The following ADAMTSL1 variants were observed in gnomAD, a reference collection of about 807,000 sequenced individuals.
ADAMTSL1 encodes ADAMTS-like protein 1.
Under a neutral mutation model 201.8 loss-of-function variants are expected in ADAMTSL1, and 126 were observed. The ratio of observed to expected loss-of-function variants is 0.62; its 90% CI spans 0.54 to 0.72. The LOEUF is 0.72. Among genes scored for constraint, ADAMTSL1 ranks in the 30% least tolerant of loss-of-function variants. The pLI is 0.00. For synonymous variants in ADAMTSL1, 1,121 were observed against 903.4 expected (o/e 1.24, Z -4.32); for missense variants, 2,679 against 2,277.8 (o/e 1.18, Z -3.59).
At chr9:18,690,692 A>G (rs1397000740) in intron 13 of ADAMTSL1, among the ~76,000 whole-genome samples, 1 of 152,214 alleles carries the variant, frequency 6.6e-6, no homozygotes, top group African/African-American at 2.4e-5. Flanking sequence ...GAAAACTGGC[A>G]TATGGTAGAG....
chr9:18,680,611 C>T (rs1249630587), intron 11 of ADAMTSL1, 95 bp downstream of exon 11: 1 of 1,401,288 alleles, frequency 7.1e-7, no homozygotes, highest in Non-Finnish European at 1.0e-6. Flanking sequence ...CAGCTCCACA[C>T]TCTTCTTGAG....
At position 18,795,482 on chromosome 9, in the gene ADAMTSL1, G is replaced by C. The variant is rs1822365034; in HGVS notation, c.3763G>C (p.Ala1255Pro). The C allele has an allele frequency of 6.2e-7, 1 of 1,613,680 alleles. No individual in the cohort carries two copies. Among genetic ancestry groups the C allele is most frequent in the Non-Finnish European group, 8.5e-7 (1 of 1,179,826 alleles). The change falls in exon 20 of 29, where the codon GCC (alanine) becomes CCC (proline). Residue 1255 changes from alanine (A) to proline (P), a missense_variant. Transcript: ENST00000380548. ...VGFYTCNATN[A>P]LGYDSVSIAV... ...TTTCTACACTTGCAATGCCACCAAT[G>C]CCTTGGGATACGACTCTGTCTCCAT...
chr9:18,704,016 G>A (rs1285134674), intron 13 of ADAMTSL1, among the ~76,000 whole-genome samples: 1 of 151,920 alleles, frequency 6.6e-6, no homozygotes, highest in Admixed American at 6.6e-5. Context: ...AAAAGAGATG[G>A]AAACTAAGAC....
chr9:17,921,749 C>T (rs1218397027), intron 1 of ADAMTSL1, among the ~76,000 whole-genome samples: 1 of 152,108 alleles, frequency 6.6e-6, no homozygotes, highest in African/African-American at 2.4e-5. Flanking sequence ...ACCCTTTCTG[C>T]AAGTACAAAT....
intron 2 of ADAMTSL1, among the ~76,000 whole-genome samples, chr9:18,420,559 G>T (rs1014294656): frequency 3.9e-5 from 6 of 152,152 alleles, no homozygotes; most frequent in Admixed American, 3.9e-4. Context: ...GCCTTTGTGA[G>T]GAACTAGGGT....
chr9:18,877,175 G>T (rs903949840), intron 23 of ADAMTSL1, among the ~76,000 whole-genome samples: 4 of 151,798 alleles, frequency 2.6e-5, no homozygotes, highest in Non-Finnish European at 5.9e-5. Context: ...CTCTAAGCTG[G>T]TATTCACCTT....
At chr9:18,681,697 T>TGTGGGCGG (rs370940110) in intron 11 of ADAMTSL1, 115 bp from the exon 12 acceptor site, 1 of 219,150 alleles carries the variant, frequency 4.6e-6, no homozygotes, top group African/African-American at 6.8e-5. Flanking sequence ...AGTCCTCGTG[T>TGTGGGCGG]GGGGGGGGGG....
At chr9:18,477,965 C>T (rs2131788714) in intron 1 of ADAMTSL1, among the ~76,000 whole-genome samples, 1 of 152,160 alleles carries the variant, frequency 6.6e-6, no homozygotes, top group East Asian at 1.9e-4. Flanking sequence ...CTTGAAAAAG[C>T]ATATGGAAAT....
intron 15 of ADAMTSL1, among the ~76,000 whole-genome samples, chr9:18,746,362 T>C (rs993500548): frequency 3.9e-5 from 6 of 152,182 alleles, no homozygotes; most frequent in African/African-American, 1.4e-4. Flanking sequence ...GGTGTCTAGT[T>C]TATTATTGTC....
At position 18,568,322 on chromosome 9, in the gene ADAMTSL1, T is replaced by C. The variant is rs567445178; in HGVS notation, c.238-5708T>C. Among the ~76,000 whole-genome samples, 779 of 152,252 alleles carry C rather than the reference T, an allele frequency of 5.1e-3. 26 individuals are homozygous for C. In the South Asian group the frequency reaches 0.064, roughly 13 times the overall value. On this transcript the variant is annotated intron_variant, in intron 3 of 28. Transcript: ENST00000380548. ...AAGCCAAGTAACAAAGACCAAAATATGTAAAAGAGGCAGCCCACCATCTAC... is the reference window on the plus strand; with the variant it reads ...AAGCCAAGTAACAAAGACCAAAATACGTAAAAGAGGCAGCCCACCATCTAC...
intron 13 of ADAMTSL1, among the ~76,000 whole-genome samples, chr9:18,693,982 G>A (rs534618285): frequency 1.1e-4 from 17 of 152,188 alleles, no homozygotes; most frequent in Non-Finnish European, 2.1e-4. Flanking sequence ...TGTGCAGGAA[G>A]CAGAGCTGGG....
chr9:18,263,073 G>C (rs1206128786), intron 2 of ADAMTSL1, among the ~76,000 whole-genome samples: 1 of 152,216 alleles, frequency 6.6e-6, no homozygotes, highest in African/African-American at 2.4e-5. Context: ...TGTTTCACTA[G>C]GAGGATCTTA....
At position 18,377,558 on chromosome 9, in the gene ADAMTSL1, CT is replaced by C. The variant is rs376241824; in HGVS notation, c.208-127265del. On this transcript the variant is annotated intron_variant, in intron 2 of 29. Coordinates refer to the ADAMTSL1 transcript ENST00000680146. ...CTACATTTGAATTGTGAAAGATTCA[CT>C]TTTTTGTTGTTGTTTTGTTTTTGTT... 1.2e-3 allele frequency among the ~76,000 whole-genome samples: 185 copies of C among 151,942 alleles called. 1 individual carries two copies. Among genetic ancestry groups the C allele is most frequent in the African/African-American group, 4.2e-3 (174 of 41,498 alleles).
chr9:18,684,628 C>T, intron 12 of ADAMTSL1, 88 bp from the exon 13 acceptor site: 1 of 1,440,894 alleles, frequency 6.9e-7, no homozygotes, highest in Non-Finnish European at 9.3e-7. Flanking sequence ...AACGTAGTAA[C>T]TTCTTGGTGA....
intron 1 of ADAMTSL1, among the ~76,000 whole-genome samples, chr9:18,480,190 G>A (rs1251894140): frequency 6.6e-6 from 1 of 152,160 alleles, no homozygotes; most frequent in African/African-American, 2.4e-5. Flanking sequence ...ACAATGCTGT[G>A]GATTCACTAA....
chr9:18,725,685 T>C (rs1817844531), intron 15 of ADAMTSL1, among the ~76,000 whole-genome samples: 1 of 148,150 alleles, frequency 6.7e-6, no homozygotes, highest in South Asian at 2.1e-4. Context: ...CACAGCAGAA[T>C]AAAAAAAAAA....
chr9:18,768,989 G>T (rs1388238839), intron 16 of ADAMTSL1, among the ~76,000 whole-genome samples: 1 of 152,150 alleles, frequency 6.6e-6, no homozygotes, highest in Admixed American at 6.5e-5. Flanking sequence ...AACAAAAACT[G>T]GTACCTGGGA....
chr9:18,173,044 A>G (rs926948911), intron 2 of ADAMTSL1, among the ~76,000 whole-genome samples: 1 of 152,114 alleles, frequency 6.6e-6, no homozygotes, highest in Non-Finnish European at 1.5e-5. Context: ...CCTATCTATA[A>G]TGTGTTACTG....
In ADAMTSL1 at chr9:18,681,931, C is replaced by G; in HGVS notation, c.1461C>G (p.Ile487Met). 18 of 1,614,132 alleles carry G rather than the reference C, an allele frequency of 1.1e-5. No homozygotes were observed. Among genetic ancestry groups the G allele is most frequent in the Admixed American group, 1.7e-5 (1 of 60,020 alleles). ...AGCCCCACATAAAAGAGGAATGCAT[C>G]GTACCCACTCCCTGCTATAAACCCA... ...KTKPHIKEEC[I>M]VPTPCYKPKE... is the part of the protein sequence containing the mutation. Residue 487 changes from isoleucine to methionine, a missense_variant, in exon 12 of 29, where the codon ATC becomes ATG. Transcript: ENST00000380548.
Sources: allele counts gnomAD v4.1 joint callset (sites outside exome capture counted in the v4.1 genomes callset), GRCh38; gene constraint gnomAD v4.1.1; transcripts MANE v1.5; gene names NCBI Gene and HGNC (gene_info 2026-07-23, HGNC 2026-07-21).